The following TRIM42 variants were observed in gnomAD, a reference collection of about 807,000 sequenced individuals.
The protein encoded by TRIM42 is tripartite motif containing 42.
A neutral mutation model predicts 64.9 loss-of-function variants in TRIM42; 59 were observed. The observed-to-expected ratio is 0.91, with a 90% CI of 0.74 to 1.13. The LOEUF is 1.13. TRIM42 is among the 50% of genes most tolerant of loss of function. The probability of loss-of-function intolerance (pLI) is 0.00; values close to 1 mark genes in which losing one functional copy is unlikely to be tolerated. For missense variants in TRIM42, 878 were observed against 929.5 expected (o/e 0.94, Z 0.72); for synonymous variants, 354 against 346.3 (o/e 1.02, Z -0.25).
Position 140,688,192 on chromosome 3 carries a change from C to G in TRIM42, c.1510C>G (p.Leu504Val). 6.2e-7 allele frequency: 1 copy of G among 1,614,214 alleles called. No homozygotes were observed. The highest frequency in any genetic ancestry group is 8.5e-7 in the Non-Finnish European group (1 of 1,180,038). Residue 504 changes from leucine to valine, a missense_variant, in exon 3 of 5, where the codon CTG becomes GTG. Physicochemically the swap from Leu to Val is conservative, Grantham distance 32. Coordinates refer to ENST00000286349, the MANE Select transcript of TRIM42 (RefSeq NM_152616.5). ...GAAGGTACGCTCCTCAGGGGACTCC[C>G]TGCCCTCCCCCTACCCCGTGCACTC... ...PKKVRSSGDS[L>V]PSPYPVHSET...
chr3:140,681,138 C>T (rs1323031299), intron 1 of TRIM42, among the ~76,000 whole-genome samples: 1 of 152,128 alleles, frequency 6.6e-6, no homozygotes, highest in African/African-American at 2.4e-5. Context: ...ATAGCTCTTA[C>T]GATTAAATAT....
At chr3:140,687,539 T>C (rs1988576213) in intron 2 of TRIM42, among the ~76,000 whole-genome samples, 183 bp from the exon 3 acceptor site, 1 of 152,126 alleles carries the variant, frequency 6.6e-6, no homozygotes, top group Non-Finnish European at 1.5e-5. Context: ...GGGAAGGGTG[T>C]ACTAAGGAGG....
chr3:140,694,839 TGA>T (rs1988809428), intron 4 of TRIM42, among the ~76,000 whole-genome samples: 1 of 152,180 alleles, frequency 6.6e-6, no homozygotes, highest in South Asian at 2.1e-4. Context: ...AACATTGGGC[TGA>T]GTTTTCACAC....
chr3:140,698,073 T>C (rs1364976831), intron 4 of TRIM42, among the ~76,000 whole-genome samples: 3 of 152,226 alleles, frequency 2.0e-5, no homozygotes, highest in African/African-American at 7.2e-5. Context: ...TTTCTGCTCT[T>C]ATATCAATAC....
intron 4 of TRIM42, among the ~76,000 whole-genome samples, chr3:140,691,516 C>T (rs1988714856): frequency 6.6e-6 from 1 of 152,146 alleles, no homozygotes; most frequent in African/African-American, 2.4e-5. Context: ...GTGAGAAGGA[C>T]ATGAAATAAT....
At position 140,700,994 on chromosome 3, in the gene TRIM42, C is replaced by T; in HGVS notation, c.*20C>T. 6.2e-7 allele frequency: 1 copy of T among 1,607,388 alleles called. No individual in the cohort carries two copies. Among genetic ancestry groups the T allele is most frequent in the Non-Finnish European group, 8.5e-7 (1 of 1,174,428 alleles). On this transcript the variant is annotated 3_prime_UTR_variant, in exon 5 of 5. Transcript: ENST00000286349. ...TTCTGAGCCCCTTCAGAGCAGGAAA[C>T]AACCTCAGACTCATCACAAAGTAGA...
At chr3:140,696,251 G>T (rs1198376513) in intron 4 of TRIM42, among the ~76,000 whole-genome samples, 1 of 152,084 alleles carries the variant, frequency 6.6e-6, no homozygotes, top group Non-Finnish European at 1.5e-5. Context: ...TTTTCAATGT[G>T]TTATTAATTT....
chr3:140,680,577 T>C (rs1988352469), intron 1 of TRIM42: 2 of 600,486 alleles, frequency 3.3e-6, no homozygotes, highest in Non-Finnish European at 2.1e-6. Context: ...CTTTATATTA[T>C]ACCTTGATTC....
intron 2 of TRIM42, among the ~76,000 whole-genome samples, chr3:140,687,270 G>C (rs534724001): frequency 6.6e-6 from 1 of 152,212 alleles, no homozygotes; most frequent in Non-Finnish European, 1.5e-5. Context: ...AGCGAATGAT[G>C]CAAGACAACC....
At chr3:140,688,669 T>C (rs980311071) in intron 3 of TRIM42, 127 bp downstream of exon 3, 38 of 712,622 alleles carry the variant, frequency 5.3e-5, no homozygotes, top group Non-Finnish European at 6.9e-5. Context: ...TCTGCTCCTC[T>C]AGACTCTTTG....
rs767307351 is a variant in TRIM42 at position 140,683,090 on chromosome 3, A to G, written c.970A>G (p.Ile324Val). 2 of 1,614,156 alleles carry G rather than the reference A, an allele frequency of 1.2e-6. No homozygotes were observed. Among genetic ancestry groups the G allele is most frequent in the South Asian group, 1.1e-5 (1 of 91,084 alleles). ...CTCTTTCCACAATGGCCACGACACC[A>G]TTAGCCTCATCGACGCCTGCTCCGA... The part of the protein sequence containing the change: ...KFSFHNGHDT[I>V]SLIDACSERA... Residue 324 changes from isoleucine (I) to valine (V), a missense_variant, in exon 2 of 5, where the codon ATT (isoleucine) becomes GTT (valine). Transcript: ENST00000286349.
chr3:140,684,067 C>T (rs565983795), intron 2 of TRIM42, among the ~76,000 whole-genome samples: 2 of 152,244 alleles, frequency 1.3e-5, no homozygotes, highest in East Asian at 3.9e-4. Context: ...CCCTTTAGTG[C>T]CCTTTACCCC....
intron 2 of TRIM42, among the ~76,000 whole-genome samples, chr3:140,683,776 G>A (rs2107758093): frequency 6.6e-6 from 1 of 152,282 alleles, no homozygotes; most frequent in African/African-American, 2.4e-5. Flanking sequence ...CTAGCCAATA[G>A]CATTCTAGTC....
At chr3:140,691,263 T>G (rs1988705382) in intron 4 of TRIM42, 71 bp downstream of exon 4, 1 of 1,281,146 alleles carries the variant, frequency 7.8e-7, no homozygotes, top group Non-Finnish European at 1.1e-6. Flanking sequence ...CCTGTTAAGA[T>G]GATCGTGAGA....
At chr3:140,685,864 C>T (rs1988533985) in intron 2 of TRIM42, among the ~76,000 whole-genome samples, 1 of 152,136 alleles carries the variant, frequency 6.6e-6, no homozygotes, top group African/African-American at 2.4e-5. Flanking sequence ...TAAGTGGAAA[C>T]AATATCTTCA....
chr3:140,682,840 C>G lies in TRIM42; in HGVS notation c.720C>G (p.Val240=). The part of the protein sequence containing the change: ...DRSSGPILCQ[V]CRNKRIAYKR... ...CCTCCGGGCCCATCCTCTGCCAGGT[C>G]TGCCGCAACAAGCGCATCGCTTACA... The change falls in exon 2 of 5, where the codon GTC becomes GTG. Residue 240 remains valine (V), a synonymous_variant. Transcript: ENST00000286349. The G allele has an allele frequency of 6.2e-7, 1 of 1,614,180 alleles. No individual in the cohort carries two copies. The highest frequency in any genetic ancestry group is 8.5e-7 in the Non-Finnish European group (1 of 1,180,034).
rs1350776051 is a variant in TRIM42 at position 140,682,665 on chromosome 3, A to T, written c.545A>T (p.Asn182Ile). 1 of 1,613,266 alleles carries T rather than the reference A, an allele frequency of 6.2e-7. No individual in the cohort carries two copies. Among genetic ancestry groups the T allele is most frequent in the Middle Eastern group, 1.6e-4 (1 of 6,062 alleles). Residue 182 changes from asparagine to isoleucine, a missense_variant, in exon 2 of 5, where the codon AAC becomes ATC. Transcript: ENST00000286349. The part of the protein sequence containing the change: ...QLQKHAEVTE[N>I]FFILICPVCD... ...CAGAAGCACGCCGAGGTCACCGAGA[A>T]CTTCTTCATCCTCATCTGCCCAGTG...
rs1371378538 is a variant in TRIM42 at position 140,701,032 on chromosome 3, C to T, written c.*58C>T. ...ATCACAAAGTAGACATATACACACA[C>T]ATATATGTATGTATATTTTTCTCAC... On this transcript the variant is annotated 3_prime_UTR_variant, in exon 5 of 5. Coordinates refer to ENST00000286349, the MANE Select transcript of TRIM42 (RefSeq NM_152616.5). The T allele has an allele frequency of 8.6e-6, 12 of 1,387,816 alleles. No individual in the cohort carries two copies. Among genetic ancestry groups the T allele is most frequent in the Non-Finnish European group, 1.1e-5 (11 of 989,430 alleles). 86.0% of individuals were successfully genotyped at this position (1,387,816 alleles called of 1,614,324 possible).
chr3:140,685,180 T>C (rs902615014), intron 2 of TRIM42, among the ~76,000 whole-genome samples: 1 of 152,204 alleles, frequency 6.6e-6, no homozygotes, highest in African/African-American at 2.4e-5. Flanking sequence ...GTACCATAAA[T>C]TGGCATTCTA....
Sources: allele counts gnomAD v4.1 joint callset (sites outside exome capture counted in the v4.1 genomes callset), GRCh38; gene constraint gnomAD v4.1.1; transcripts MANE v1.5; gene names NCBI Gene and HGNC (gene_info 2026-07-23, HGNC 2026-07-21).